RAD54L2: variants seen among roughly 807,000 people sequenced by gnomAD.
RAD54L2 encodes the protein RAD54 like 2.
Under a neutral mutation model 138.4 loss-of-function variants are expected in RAD54L2, and 27 were observed. The observed-to-expected ratio is 0.20, with a 90% CI of 0.14 to 0.27. The LOEUF (loss-of-function observed/expected upper bound fraction) is 0.27. Ranked by LOEUF, RAD54L2 falls within the 10% of genes least tolerant of loss-of-function variation. The pLI is 1.00. For synonymous variants in RAD54L2, 644 were observed against 723.2 expected (o/e 0.89, Z 1.76); for missense variants, 1,396 against 1,890.2 (o/e 0.74, Z 4.85).
chr3:51,568,868 T>C (rs1416327438), intron 2 of RAD54L2, among the ~76,000 whole-genome samples: 1 of 152,186 alleles, frequency 6.6e-6, no homozygotes, highest in East Asian at 1.9e-4. Flanking sequence ...TTTAATTTGG[T>C]GTTTATTCAA....
intron 3 of RAD54L2, among the ~76,000 whole-genome samples, chr3:51,604,916 CTTTTTTCT>C (rs1189087344): frequency 1.3e-5 from 2 of 151,964 alleles, no homozygotes; most frequent in South Asian, 2.1e-4. Context: ...TTCCAGTGGT[CTTTTTTCT>C]TTTTTTCTTT....
At position 51,658,877 on chromosome 3, in the gene RAD54L2, C is replaced by T. The variant is rs1020507135; in HGVS notation, c.3317-1149C>T. On this transcript the variant is annotated intron_variant, in intron 21 of 22. Coordinates refer to ENST00000684192, the MANE Select transcript of RAD54L2 (RefSeq NM_015106.4). ...AGCCTGCTACCTGTTATAATATCTG[C>T]GAGATAAGAATGGGTTTAACATTTT... is the stretch of plus-strand genomic sequence containing the variant. Among the ~76,000 whole-genome samples the T allele has an allele frequency of 2.6e-5, 4 of 151,424 alleles. No homozygotes were observed. The East Asian group carries it at 5.8e-4, about 22-fold the overall frequency.
At chr3:51,586,606 T>C (rs1699715736) in intron 2 of RAD54L2, among the ~76,000 whole-genome samples, 1 of 151,530 alleles carries the variant, frequency 6.6e-6, no homozygotes, top group South Asian at 2.1e-4. Flanking sequence ...TTCACTCTTG[T>C]TGCCCAGGCT....
chr3:51,645,344 G>A lies in RAD54L2; in HGVS notation c.2656+115G>A. 8 of 1,148,596 alleles carry A rather than the reference G, an allele frequency of 7.0e-6. No individual in the cohort carries two copies. Among genetic ancestry groups the A allele is most frequent in the Non-Finnish European group, 9.9e-6 (8 of 805,040 alleles). The allele number at this position is 1,148,596 out of a possible 1,614,324, so 71.2% of individuals were successfully genotyped here. A position where few individuals can be genotyped will look rare whatever the true frequency, so the allele number is the denominator to read the frequency against. On this transcript the variant is annotated intron_variant, in intron 17 of 22. Transcript: ENST00000684192. The surrounding 1 kb of genome is among the most constrained non-coding windows in gnomAD (Gnocchi z 6.1). ...ACACAGGCAGGCTTCGAGAAAGCCA[G>A]CATTTCCTCCTATCTCATTCTGATT...
intron 2 of RAD54L2, among the ~76,000 whole-genome samples, chr3:51,544,342 C>CT (rs1698632289): frequency 6.6e-6 from 1 of 152,148 alleles, no homozygotes; most frequent in South Asian, 2.1e-4. Context: ...AAAGGCAACA[C>CT]TTTGTTGTGA....
At chr3:51,586,446 G>A (rs1209126153) in intron 2 of RAD54L2, among the ~76,000 whole-genome samples, 12 of 149,834 alleles carry the variant, frequency 8.0e-5, no homozygotes, top group Non-Finnish European at 1.3e-4. Flanking sequence ...TTTTTTTTTG[G>A]AAGTCTCTGT....
intron 2 of RAD54L2, among the ~76,000 whole-genome samples, chr3:51,547,931 GC>G (rs1698738405): frequency 6.6e-6 from 1 of 151,054 alleles, no homozygotes. Context: ...TGCTCTTTTT[GC>G]CCAGGATGGA....
intron 7 of RAD54L2, among the ~76,000 whole-genome samples, 162 bp from the exon 8 acceptor site, chr3:51,633,415 A>G (rs1178788374): frequency 6.6e-6 from 1 of 152,198 alleles, no homozygotes; most frequent in African/African-American, 2.4e-5. Context: ...GTCACCAGCA[A>G]ATAGATCAGT....
chr3:51,573,414 A>G (rs947613137), intron 2 of RAD54L2, among the ~76,000 whole-genome samples: 1 of 152,174 alleles, frequency 6.6e-6, no homozygotes, highest in Non-Finnish European at 1.5e-5. Context: ...CTAACTACAG[A>G]GAATAGTCAG....
intron 7 of RAD54L2, 150 bp downstream of exon 7, chr3:51,631,081 CT>C (rs1250029321): frequency 9.4e-5 from 70 of 746,948 alleles, no homozygotes; most frequent in Non-Finnish European, 1.4e-4. Flanking sequence ...CTGATACTTC[CT>C]TCTAGCAGTT....
At chr3:51,614,877 TATG>T (rs1182433919) in intron 3 of RAD54L2, among the ~76,000 whole-genome samples, 19 of 152,112 alleles carry the variant, frequency 1.2e-4, no homozygotes, top group African/African-American at 4.6e-4. Flanking sequence ...ATATTAATGC[TATG>T]ATGATTTTTT....
Position 51,662,372 on chromosome 3 carries a change from C to G in RAD54L2, c.3410-54C>G. 1 of 1,427,108 alleles carries G rather than the reference C, an allele frequency of 7.0e-7. No individual in the cohort carries two copies. Among genetic ancestry groups the G allele is most frequent in the Non-Finnish European group, 9.3e-7 (1 of 1,070,506 alleles). The allele number at this position is 1,427,108 out of a possible 1,614,324, so 88.4% of individuals were successfully genotyped here. On this transcript the variant is annotated intron_variant, in intron 22 of 22. Transcript: ENST00000684192. The surrounding 1 kb of genome is among the most constrained non-coding windows in gnomAD (Gnocchi z 4.6). The stretch of plus-strand genomic sequence containing the variant: ...TTTTTAATGGAGTTTTCTCCTCTAC[C>G]CTTCTTCTCTCCCTGGCCACTCTGA...
At chr3:51,605,573 C>T (rs1160519936) in intron 3 of RAD54L2, among the ~76,000 whole-genome samples, 1 of 151,514 alleles carries the variant, frequency 6.6e-6, no homozygotes, top group African/African-American at 2.4e-5. Flanking sequence ...CTGCCTCAGC[C>T]TCCTTACTAG....
At position 51,630,316 on chromosome 3, in the gene RAD54L2, C is replaced by T. The variant is rs201148857; in HGVS notation, c.526C>T (p.Arg176Trp). 1.2e-5 allele frequency: 20 copies of T among 1,613,984 alleles called. No homozygotes were observed. The highest frequency in any genetic ancestry group is 1.2e-4 in the African/African-American group (9 of 75,048). ...AAGTGACGGTCCCCAACTGCCTCCT[C>T]GGGTCTTGGCCCAGGAAGTCATTTG... ...RASDGPQLPP[R>W]VLAQEVICLD... The change falls in exon 6 of 23, where the codon CGG becomes TGG. Residue 176 changes from arginine (R) to tryptophan (W), a missense_variant. Physicochemically the swap from Arg to Trp is moderately radical, Grantham distance 101. This residue lies in a region of RAD54L2 where 256 missense variants were observed against 344.6 expected (regional missense o/e 0.74). Transcript: ENST00000684192.
At chr3:51,608,978 C>G (rs979665635) in intron 3 of RAD54L2, among the ~76,000 whole-genome samples, 2 of 152,076 alleles carry the variant, frequency 1.3e-5, no homozygotes, top group Non-Finnish European at 2.9e-5. Context: ...GCAACCTCCC[C>G]CTCCCAGGTT....
chr3:51,571,451 G>T (rs1035304850), intron 2 of RAD54L2, among the ~76,000 whole-genome samples: 3 of 149,832 alleles, frequency 2.0e-5, no homozygotes, highest in Non-Finnish European at 4.4e-5. Context: ...GTGTGCAGTG[G>T]TGCGATCTCA....
rs1432260078 is a variant in RAD54L2 at position 51,630,706 on chromosome 3, G to A, written c.600G>A (p.Glu200=). 1 of 1,613,266 alleles carries A rather than the reference G, an allele frequency of 6.2e-7. No individual in the cohort carries two copies. The highest frequency in any genetic ancestry group is 8.5e-7 in the Non-Finnish European group (1 of 1,179,522). Residue 200 remains glutamate, a splice_region_variant and synonymous_variant, in exon 7 of 23, where the codon GAG becomes GAA. Coordinates refer to ENST00000684192, the MANE Select transcript of RAD54L2 (RefSeq NM_015106.4). ...GSEDEKSSRD[E]VIELSSGEED... is the part of the protein sequence containing the mutation. ...TTTTGCTTTTTTTTGCTGTCTCAGA[G>A]GTGATTGAACTGAGCTCTGGAGAGG...
At chr3:51,619,818 C>T (rs1378932466) in intron 3 of RAD54L2, among the ~76,000 whole-genome samples, 2 of 152,150 alleles carry the variant, frequency 1.3e-5, no homozygotes, top group Admixed American at 1.3e-4. Context: ...ATCTACATTG[C>T]TCTTGACTGA....
chr3:51,617,191 T>C (rs947688484), intron 3 of RAD54L2, among the ~76,000 whole-genome samples: 3 of 152,240 alleles, frequency 2.0e-5, no homozygotes, highest in African/African-American at 7.2e-5. Flanking sequence ...GATGGTTTGC[T>C]GTTTTTTTCA....
Sources: allele counts gnomAD v4.1 joint callset (sites outside exome capture counted in the v4.1 genomes callset), GRCh38; gene constraint gnomAD v4.1.1; regional missense constraint gnomAD v4.1.1; non-coding constraint Gnocchi (gnomAD v3.1); transcripts MANE v1.5; gene names NCBI Gene and HGNC (gene_info 2026-07-23, HGNC 2026-07-21).